Variants in AGPAT3 observed in about 807,000 individuals in gnomAD.
AGPAT3 encodes the protein 1-acylglycerol-3-phosphate O-acyltransferase 3.
A neutral mutation model predicts 47.3 loss-of-function variants in AGPAT3; 5 were observed. That is an observed-to-expected ratio of 0.11 (90% confidence interval 0.06 to 0.22). The LOEUF is 0.22. Ranked by LOEUF, AGPAT3 falls within the 10% of genes least tolerant of loss-of-function variation. The pLI is 1.00. For synonymous variants in AGPAT3, 212 were observed against 208.3 expected, an observed-to-expected ratio of 1.02 and a Z score of -0.15; for missense variants, 315 against 493.0, an observed-to-expected ratio of 0.64 and a Z score of 3.42.
intron 2 of AGPAT3, among the ~76,000 whole-genome samples, chr21:43,910,047 C>T (rs1015664330): frequency 1.3e-5 from 2 of 152,156 alleles, no homozygotes; most frequent in Non-Finnish European, 2.9e-5. Context: ...TTGTTCTTTC[C>T]GGGTTAAAAC....
At position 43,955,378 on chromosome 21, in the gene AGPAT3, C is replaced by A; in HGVS notation, c.-48-4256C>A. On this transcript the variant is annotated intron_variant, in intron 2 of 9. Transcript: ENST00000291572. This position sits in a 1 kb window ranked among gnomAD's most constrained non-coding sequence, Gnocchi z 4.1. ...GCTTGTCAACACCCATAACGCTATG[C>A]ACGGACACTCGGCAAACCCATCTTA... 1 of 339,544 alleles carries A rather than the reference C, an allele frequency of 2.9e-6. No individual in the cohort carries two copies. The highest frequency in any genetic ancestry group is 4.6e-6 in the Non-Finnish European group (1 of 218,562). The allele number at this position is 339,544 out of a possible 1,614,324, so 21.0% of individuals were successfully genotyped here.
chr21:43,898,714 A>G (rs1240839495), intron 1 of AGPAT3, among the ~76,000 whole-genome samples: 1 of 152,100 alleles, frequency 6.6e-6, no homozygotes. Flanking sequence ...TTTAGTAGAG[A>G]CGGGGTTTCT....
intron 7 of AGPAT3, among the ~76,000 whole-genome samples, chr21:43,977,787 T>G (rs2089675206): frequency 6.6e-6 from 1 of 151,456 alleles, no homozygotes; most frequent in African/African-American, 2.4e-5. Flanking sequence ...CTGGGGAGGC[T>G]GAGGCAGGAG....
chr21:43,915,139 A>G (rs1019604026), intron 2 of AGPAT3, among the ~76,000 whole-genome samples: 11 of 151,760 alleles, frequency 7.2e-5, no homozygotes, highest in African/African-American at 2.4e-4. Context: ...GCTCACTGCA[A>G]CCTCCAAGTT....
intron 1 of AGPAT3, among the ~76,000 whole-genome samples, chr21:43,888,483 C>T (rs987885924): frequency 1.3e-5 from 2 of 152,166 alleles, no homozygotes; most frequent in South Asian, 4.1e-4. Context: ...CCGTGGCACA[C>T]GTTTACCTGT....
At position 43,980,993 on chromosome 21, in the gene AGPAT3, C is replaced by T. The variant is rs763827550; in HGVS notation, c.848C>T (p.Ala283Val). ...TTTCTCTGTTGACTCTTCTAGGACG[C>T]GCTCCAGGAGATATATAATCAGAAG... is the stretch of plus-strand genomic sequence containing the variant. ...WLHKLYQEKDALQEIYNQKGM... is the reference protein window; with the variant it reads ...WLHKLYQEKDVLQEIYNQKGM... Residue 283 changes from alanine (A) to valine (V), a missense_variant, in exon 9 of 10, where the codon GCG becomes GTG. Coordinates refer to ENST00000291572, the MANE Select transcript of AGPAT3 (RefSeq NM_020132.5). 47 of 1,613,870 alleles carry T rather than the reference C, an allele frequency of 2.9e-5. No homozygotes were observed. Among genetic ancestry groups the T allele is most frequent in the East Asian group, 4.5e-5 (2 of 44,878 alleles).
intron 1 of AGPAT3, among the ~76,000 whole-genome samples, chr21:43,892,787 G>C (rs984087288): frequency 9.9e-5 from 15 of 152,132 alleles, no homozygotes; most frequent in African/African-American, 3.6e-4. Flanking sequence ...AGGCTGTTTC[G>C]TCTACATCAA....
intron 2 of AGPAT3, among the ~76,000 whole-genome samples, chr21:43,949,992 T>G (rs9978664): frequency 0.033 from 5,059 of 152,172 alleles, 278 homozygotes; most frequent in African/African-American, 0.12. Flanking sequence ...AAACTTCCAG[T>G]TTCCCCCTCT....
intron 1 of AGPAT3, among the ~76,000 whole-genome samples, chr21:43,897,281 T>C (rs534780186): frequency 3.9e-4 from 60 of 152,050 alleles, no homozygotes; most frequent in African/African-American, 1.2e-3. Context: ...GGGGTAAGGT[T>C]ATAGATTAAC....
intron 7 of AGPAT3, among the ~76,000 whole-genome samples, chr21:43,972,154 T>A (rs566278725): frequency 6.6e-6 from 1 of 151,244 alleles, no homozygotes; most frequent in Non-Finnish European, 1.5e-5. Context: ...TTGATTTTTT[T>A]TTTTCTTGGA....
At position 43,932,456 on chromosome 21, in the gene AGPAT3, G is replaced by A. The variant is rs899826757; in HGVS notation, c.-48-27178G>A. Among the ~76,000 whole-genome samples the A allele has an allele frequency of 2.6e-5, 4 of 152,188 alleles. No homozygotes were observed. The highest frequency in any genetic ancestry group is 9.7e-5 in the African/African-American group (4 of 41,434). On this transcript the variant is annotated intron_variant, in intron 2 of 9. Coordinates refer to ENST00000291572, the MANE Select transcript of AGPAT3 (RefSeq NM_020132.5). The surrounding 1 kb of genome is among the most constrained non-coding windows in gnomAD (Gnocchi z 5.2). ...TGACAGGACTTCCTTCTTCCTTATGGCTGAATAATAACACGGCGTTACGCA... is the reference window on the plus strand; with the variant it reads ...TGACAGGACTTCCTTCTTCCTTATGACTGAATAATAACACGGCGTTACGCA...
At chr21:43,895,814 C>T (rs994948601) in intron 1 of AGPAT3, among the ~76,000 whole-genome samples, 3 of 151,654 alleles carry the variant, frequency 2.0e-5, no homozygotes, top group Non-Finnish European at 2.9e-5. Context: ...TTGCCTAGGC[C>T]GGAGTGCAAT....
chr21:43,945,984 C>T lies in AGPAT3; in HGVS notation c.-48-13650C>T, dbSNP rs933534244. ...GGTGGTGGGCCCTCCACCTTGTCCC[C>T]GCAGGACTCCCCTCTCTGCCCAGAC... is the stretch of plus-strand genomic sequence containing the variant. On this transcript the variant is annotated intron_variant, in intron 2 of 9. Coordinates refer to ENST00000291572, the MANE Select transcript of AGPAT3 (RefSeq NM_020132.5). 7.2e-5 allele frequency among the ~76,000 whole-genome samples: 11 copies of T among 152,268 alleles called. No individual in the cohort carries two copies. The East Asian group carries it at 1.7e-3, about 24-fold the overall frequency.
At position 43,986,921 on chromosome 21, in the gene AGPAT3, T is replaced by C. The variant is rs1360562917; in HGVS notation, c.*4529T>C. Among the ~76,000 whole-genome samples the C allele has an allele frequency of 6.6e-6, 1 of 152,218 alleles. No individual in the cohort carries two copies. Among genetic ancestry groups the C allele is most frequent in the Non-Finnish European group, 1.5e-5 (1 of 68,036 alleles). On this transcript the variant is annotated 3_prime_UTR_variant, in exon 10 of 10. Transcript: ENST00000291572. ...AGAGGTATTTTTGGTCTTTAGAAGC[T>C]TGTCGGGGTGAGGGCTGCTAACTTA...
In AGPAT3 at chr21:43,880,055, A is replaced by AAGG. The variant is rs2085823372; in HGVS notation, c.-112+14710_-112+14711insAGG. Among the ~76,000 whole-genome samples the AAGG allele has an allele frequency of 6.6e-6, 1 of 152,224 alleles. No homozygotes were observed. Among genetic ancestry groups the AAGG allele is most frequent in the Non-Finnish European group, 1.5e-5 (1 of 68,032 alleles). On this transcript the variant is annotated intron_variant, in intron 1 of 9. Transcript: ENST00000291572. This position sits in a 1 kb window ranked among gnomAD's most constrained non-coding sequence, Gnocchi z 4.5. ...AGCATGACTCCGGGGCGGAGGACGC[A>AAGG]GCCCTGCATCCCTTGCGTCCCCAGG...
At chr21:43,907,029 CTTTTTTTTT>C (rs760824887) in intron 2 of AGPAT3, among the ~76,000 whole-genome samples, 1 of 128,816 alleles carries the variant, frequency 7.8e-6, no homozygotes, top group African/African-American at 3.0e-5. Context: ...TCTTTTCTTT[CTTTTTTTTT>C]TTTTTTTTTT....
intron 1 of AGPAT3, among the ~76,000 whole-genome samples, chr21:43,889,696 A>G (rs1430337990): frequency 6.6e-6 from 1 of 152,226 alleles, no homozygotes; most frequent in Non-Finnish European, 1.5e-5. Flanking sequence ...ATCAGAAGTT[A>G]TGTTTCTGCT....
chr21:43,896,370 G>A (rs969501972), intron 1 of AGPAT3, among the ~76,000 whole-genome samples: 8 of 152,242 alleles, frequency 5.3e-5, no homozygotes, highest in African/African-American at 1.9e-4. Flanking sequence ...CACACGGTCA[G>A]ATTTTAAAAT....
At chr21:43,951,184 T>C (rs2088175635) in intron 2 of AGPAT3, among the ~76,000 whole-genome samples, 1 of 152,152 alleles carries the variant, frequency 6.6e-6, no homozygotes, top group Admixed American at 6.5e-5. Flanking sequence ...CTCGGCCCAC[T>C]ACACCAGAGC....
Sources: allele counts gnomAD v4.1 joint callset (sites outside exome capture counted in the v4.1 genomes callset), GRCh38; gene constraint gnomAD v4.1.1; non-coding constraint Gnocchi (gnomAD v3.1); transcripts MANE v1.5; gene names NCBI Gene and HGNC (gene_info 2026-07-23, HGNC 2026-07-21).